Variants in FRMPD4 observed in about 807,000 individuals in gnomAD.
The protein encoded by FRMPD4 is FERM and PDZ domain containing 4.
A neutral mutation model predicts 94.1 loss-of-function variants in FRMPD4; 22 were observed. The observed-to-expected ratio is 0.23, with a 90% CI of 0.17 to 0.33. FRMPD4 has a LOEUF of 0.33. FRMPD4 is among the 10% of genes least tolerant of loss of function. FRMPD4 has a pLI of 1.00. For synonymous variants in FRMPD4, 631 were observed against 548.6 expected (o/e 1.15, Z -2.10); for missense variants, 1,111 against 1,339.9 (o/e 0.83, Z 2.67).
chrX:12,552,668 C>T (rs1356488513), intron 2 of FRMPD4, among the ~76,000 whole-genome samples: 1 of 111,895 alleles, frequency 8.9e-6, no homozygotes, highest in African/African-American at 3.2e-5. Context: ...AAATGTGCTT[C>T]TTAAATTTAA....
intron 2 of FRMPD4, among the ~76,000 whole-genome samples, chrX:12,527,023 G>A (rs2058231501): frequency 9.0e-6 from 1 of 111,719 alleles, no homozygotes; most frequent in African/African-American, 3.3e-5. Context: ...TTCATCTGCT[G>A]TATCCAACCC....
chrX:12,481,951 A>AAAAAAAAAAAAAAT (rs1456815102), intron 1 of FRMPD4, among the ~76,000 whole-genome samples: 10 of 89,112 alleles, frequency 1.1e-4, no homozygotes, highest in South Asian at 5.8e-4. Context: ...TCAAAAAAAA[A>AAAAAAAAAAAAAAT]AAAAAAAAAA....
intron 1 of FRMPD4, among the ~76,000 whole-genome samples, chrX:12,281,126 C>G (rs1212741341): frequency 3.6e-5 from 4 of 112,144 alleles, no homozygotes; most frequent in Admixed American, 9.4e-5. Context: ...TCCTTACTTT[C>G]AGTCGTGAGT....
intron 1 of FRMPD4, among the ~76,000 whole-genome samples, chrX:12,490,966 G>T (rs1223407031): frequency 1.8e-5 from 2 of 110,637 alleles, no homozygotes; most frequent in Non-Finnish European, 3.8e-5. Context: ...TGAACACTTA[G>T]GACAAAATGT....
At chrX:12,123,112 G>C (rs1450835137) in intron 3 of FRMPD4, among the ~76,000 whole-genome samples, 1 of 92,107 alleles carries the variant, frequency 1.1e-5, no homozygotes, top group African/African-American at 4.2e-5. Flanking sequence ...GTCATAGCTT[G>C]ATTTTCTTTT....
intron 3 of FRMPD4, among the ~76,000 whole-genome samples, chrX:12,105,426 A>C (rs2055288625): frequency 8.9e-6 from 1 of 112,349 alleles, no homozygotes; most frequent in Admixed American, 9.4e-5. Context: ...GACACTTAGC[A>C]TTAACTTGAA....
At chrX:11,913,701 A>AT (rs57949586) in intron 3 of FRMPD4, among the ~76,000 whole-genome samples, 43,533 of 111,019 alleles carry the variant, frequency 0.39, 6,124 homozygotes, top group East Asian at 0.69. Context: ...TTTAAATATC[A>AT]TTTCCCTTTG....
intron 3 of FRMPD4, among the ~76,000 whole-genome samples, chrX:12,081,347 T>C (rs938684721): frequency 2.7e-5 from 3 of 112,025 alleles, no homozygotes; most frequent in African/African-American, 9.7e-5. Flanking sequence ...TGCCAATATA[T>C]TTACTTACTT....
chrX:12,053,411 A>G (rs1009045977), intron 3 of FRMPD4, among the ~76,000 whole-genome samples: 2 of 101,184 alleles, frequency 2.0e-5, no homozygotes, highest in Admixed American at 2.3e-4. Context: ...AGAAAGAAAG[A>G]AAGAAAGAAA....
intron 2 of FRMPD4, among the ~76,000 whole-genome samples, chrX:12,511,761 G>A (rs1602051025): frequency 9.1e-6 from 1 of 109,687 alleles, no homozygotes; most frequent in South Asian, 3.8e-4. Flanking sequence ...CAAACTTGAG[G>A]AAAAAAAATG....
At chrX:12,064,886 G>A (rs1021560843) in intron 3 of FRMPD4, among the ~76,000 whole-genome samples, 1 of 111,861 alleles carries the variant, frequency 8.9e-6, no homozygotes, top group Non-Finnish European at 1.9e-5. Flanking sequence ...TTTCTGTCTC[G>A]TTTAACAATA....
chrX:12,157,169 G>T (rs1322210254), intron 1 of FRMPD4, among the ~76,000 whole-genome samples: 2 of 111,882 alleles, frequency 1.8e-5, no homozygotes, highest in Non-Finnish European at 3.8e-5. Flanking sequence ...TATTGAGTTT[G>T]ATAAAACCTG....
intron 2 of FRMPD4, among the ~76,000 whole-genome samples, chrX:12,573,416 T>C (rs1343341182): frequency 8.9e-6 from 1 of 112,453 alleles, no homozygotes; most frequent in African/African-American, 3.2e-5. Flanking sequence ...CAGACCTATG[T>C]AGAAGGAATC....
At chrX:11,917,193 ACATCT>A (rs1330893413) in intron 3 of FRMPD4, among the ~76,000 whole-genome samples, 2 of 112,505 alleles carry the variant, frequency 1.8e-5, no homozygotes, top group Non-Finnish European at 3.8e-5. Flanking sequence ...CAATGAGATA[ACATCT>A]CACATCAGTC....
intron 1 of FRMPD4, among the ~76,000 whole-genome samples, chrX:12,187,303 T>C (rs745586170): frequency 7.2e-5 from 8 of 111,509 alleles, no homozygotes; most frequent in African/African-American, 2.0e-4. Context: ...TAAATGCTGC[T>C]TTACATTATC....
chrX:12,304,076 G>A (rs1021472678), intron 1 of FRMPD4, among the ~76,000 whole-genome samples: 1 of 111,555 alleles, frequency 9.0e-6, no homozygotes, highest in Non-Finnish European at 1.9e-5. Context: ...CTCCAACTAG[G>A]AGGTTTTCCT....
chrX:12,627,784 A>G (rs1484968861), intron 4 of FRMPD4, among the ~76,000 whole-genome samples: 1 of 112,250 alleles, frequency 8.9e-6, no homozygotes, highest in Non-Finnish European at 1.9e-5. Context: ...GAAGAATCAG[A>G]ATAAATTTTA....
At chrX:12,588,321 T>G (rs139051147) in intron 2 of FRMPD4, among the ~76,000 whole-genome samples, 52 of 112,468 alleles carry the variant, frequency 4.6e-4, no homozygotes, top group African/African-American at 1.6e-3. Context: ...GGAAACTTCA[T>G]GAAGTGCAAA....
intron 2 of FRMPD4, among the ~76,000 whole-genome samples, chrX:12,569,895 C>T (rs995171623): frequency 3.6e-5 from 4 of 111,916 alleles, no homozygotes; most frequent in Non-Finnish European, 7.5e-5. Flanking sequence ...AATCTAGCAC[C>T]TCCTATGTAG....
Sources: gnomAD v4.1 joint callset for allele counts (sites outside exome capture counted in the v4.1 genomes callset) on GRCh38, gnomAD v4.1.1 for gene constraint, MANE v1.5 for transcripts, NCBI Gene and HGNC (gene_info 2026-07-23, HGNC 2026-07-21) for gene names.